Variants in BMERB1 observed in about 807,000 individuals in gnomAD.
BMERB1 encodes bMERB domain containing 1.
Under a neutral mutation model 23.6 loss-of-function variants are expected in BMERB1, and 12 were observed. The observed-to-expected ratio is 0.51, with a 90% CI of 0.33 to 0.82. The LOEUF is 0.82. Ranked by LOEUF, BMERB1 falls within the 40% of genes least tolerant of loss-of-function variation. The probability of loss-of-function intolerance (pLI) is 0.03; values close to 1 mark genes in which losing one functional copy is unlikely to be tolerated. For synonymous variants in BMERB1, 122 were observed against 96.6 expected (o/e 1.26, Z -1.54); for missense variants, 247 against 255.4 (o/e 0.97, Z 0.22).
intron 1 of BMERB1, chr16:15,447,941 G>C (rs775896826): frequency 4.2e-5 from 19 of 455,488 alleles, no homozygotes; most frequent in Non-Finnish European, 6.6e-5. Flanking sequence ...CCAGGCTAGA[G>C]TGCAGTGGCG....
At chr16:15,447,806 C>T in intron 1 of BMERB1, 1 of 454,646 alleles carries the variant, frequency 2.2e-6, no homozygotes, top group East Asian at 7.0e-5. Flanking sequence ...TTAAGCAGGA[C>T]CACTAGACTT....
intron 1 of BMERB1, among the ~76,000 whole-genome samples, chr16:15,485,441 A>G (rs746137481): frequency 3.3e-5 from 5 of 152,148 alleles, no homozygotes; most frequent in Non-Finnish European, 5.9e-5. Context: ...AGTCCTAATT[A>G]TTACCAGCGC....
intron 1 of BMERB1, among the ~76,000 whole-genome samples, chr16:15,435,119 G>A (rs1286960335): frequency 6.6e-6 from 1 of 152,240 alleles, no homozygotes; most frequent in East Asian, 1.9e-4. Flanking sequence ...GGATGCGCCA[G>A]GGCGCTGGAG....
chr16:15,461,485 A>G (rs1182044162), intron 1 of BMERB1, among the ~76,000 whole-genome samples: 6 of 152,132 alleles, frequency 3.9e-5, no homozygotes, highest in African/African-American at 1.4e-4. Context: ...ATCTCTACCC[A>G]AAGCACAGTG....
At chr16:15,558,804 CAAGTT>C (rs1162524184) in intron 2 of BMERB1, among the ~76,000 whole-genome samples, 3 of 149,780 alleles carry the variant, frequency 2.0e-5, no homozygotes, top group Non-Finnish European at 4.4e-5. Context: ...GCAAGCAAGG[CAAGTT>C]AAGTTTGGTG....
At chr16:15,453,315 C>T (rs1035336049) in intron 1 of BMERB1, among the ~76,000 whole-genome samples, 2 of 152,120 alleles carry the variant, frequency 1.3e-5, no homozygotes, top group East Asian at 1.9e-4. Flanking sequence ...AATGCTGCAG[C>T]GAGGTAGAGT....
intron 3 of BMERB1, among the ~76,000 whole-genome samples, chr16:15,568,812 C>T (rs973558573): frequency 1.3e-5 from 2 of 151,948 alleles, no homozygotes; most frequent in African/African-American, 4.8e-5. Context: ...TTGAAGTCAC[C>T]CCAGATTTGG....
chr16:15,474,871 A>AGAGATG (rs1452884238), intron 1 of BMERB1, among the ~76,000 whole-genome samples: 1 of 151,952 alleles, frequency 6.6e-6, no homozygotes, highest in Non-Finnish European at 1.5e-5. Flanking sequence ...GGTTTTAAGT[A>AGAGATG]GAGATGGGGT....
At chr16:15,531,889 C>A (rs2051971261) in intron 2 of BMERB1, among the ~76,000 whole-genome samples, 1 of 152,150 alleles carries the variant, frequency 6.6e-6, no homozygotes, top group Non-Finnish European at 1.5e-5. Flanking sequence ...AAAATACCAA[C>A]CCTTTCTTGA....
chr16:15,552,362 C>T (rs1029272306), intron 2 of BMERB1, among the ~76,000 whole-genome samples: 5 of 151,930 alleles, frequency 3.3e-5, no homozygotes, highest in Non-Finnish European at 7.4e-5. Flanking sequence ...ATTGCTTGAA[C>T]CTGGGAGGCA....
chr16:15,553,347 C>T (rs1000339567), intron 2 of BMERB1, among the ~76,000 whole-genome samples: 1 of 152,178 alleles, frequency 6.6e-6, no homozygotes, highest in Non-Finnish European at 1.5e-5. Context: ...TGGTGGCATG[C>T]GCCTGTAGTC....
At chr16:15,488,408 A>G (rs1376066454) in intron 1 of BMERB1, among the ~76,000 whole-genome samples, 1 of 152,132 alleles carries the variant, frequency 6.6e-6, no homozygotes, top group Non-Finnish European at 1.5e-5. Flanking sequence ...GCTTTAGGAG[A>G]CAGTGCATTA....
At chr16:15,566,412 T>C (rs1008429420) in intron 2 of BMERB1, among the ~76,000 whole-genome samples, 11 of 152,218 alleles carry the variant, frequency 7.2e-5, no homozygotes, top group African/African-American at 2.4e-4. Context: ...CAATTGCATT[T>C]CTATGAATCT....
chr16:15,477,664 G>T (rs995771601), intron 1 of BMERB1, among the ~76,000 whole-genome samples: 5 of 151,604 alleles, frequency 3.3e-5, no homozygotes. Context: ...CCTGTTGCTG[G>T]TTTTCTTTCT....
At position 15,540,571 on chromosome 16, in the gene BMERB1, C is replaced by G. The variant is rs567301955; in HGVS notation, c.230+25143C>G. On this transcript the variant is annotated intron_variant, in intron 2 of 5. Coordinates refer to ENST00000300006, the MANE Select transcript of BMERB1 (RefSeq NM_033201.3). The stretch of plus-strand genomic sequence containing the variant: ...AGGGCTTGAGGCATAGCAACTGTTG[C>G]CATGGTAACGTGCAAGTGACTGATG... 1.1e-3 allele frequency among the ~76,000 whole-genome samples: 161 copies of G among 152,240 alleles called. 1 individual carries two copies. The highest frequency in any genetic ancestry group is 1.8e-4 in the Non-Finnish European group (12 of 68,016).
intron 2 of BMERB1, among the ~76,000 whole-genome samples, chr16:15,553,518 T>C (rs992700914): frequency 2.0e-5 from 3 of 152,216 alleles, no homozygotes; most frequent in African/African-American, 7.2e-5. Context: ...CTGTCGTGAT[T>C]ACTCACCTCT....
At chr16:15,531,776 G>T (rs1330143137) in intron 2 of BMERB1, among the ~76,000 whole-genome samples, 3 of 152,190 alleles carry the variant, frequency 2.0e-5, no homozygotes, top group East Asian at 3.8e-4. Flanking sequence ...CTGCTGATGT[G>T]AGTGGCAGCA....
chr16:15,495,615 C>T (rs539954962), intron 1 of BMERB1, among the ~76,000 whole-genome samples: 1 of 152,328 alleles, frequency 6.6e-6, no homozygotes, highest in East Asian at 1.9e-4. Flanking sequence ...ATCTGCCCAC[C>T]TCGGCCTCCC....
intron 1 of BMERB1, among the ~76,000 whole-genome samples, chr16:15,435,954 T>C (rs1042985123): frequency 1.3e-5 from 2 of 152,030 alleles, no homozygotes; most frequent in African/African-American, 4.8e-5. Context: ...TTAACCTTGG[T>C]CTTTCTTTCT....
Sources: allele counts gnomAD v4.1 joint callset (sites outside exome capture counted in the v4.1 genomes callset), GRCh38; gene constraint gnomAD v4.1.1; transcripts MANE v1.5; gene names NCBI Gene and HGNC (gene_info 2026-07-23, HGNC 2026-07-21).